The following USP13 variants were observed in gnomAD, a reference collection of about 807,000 sequenced individuals.
USP13 encodes ubiquitin specific peptidase 13, also known as ubiquitin carboxyl-terminal hydrolase 13.
Under a neutral mutation model 107.8 loss-of-function variants are expected in USP13, and 68 were observed. That is an observed-to-expected ratio of 0.63 (90% CI 0.52 to 0.77). The LOEUF is 0.77. Ranked by LOEUF, USP13 falls within the 30% of genes least tolerant of loss-of-function variation. The pLI is 0.00. For synonymous variants in USP13, 377 were observed against 389.5 expected, an observed-to-expected ratio of 0.97 and a Z score of 0.38; for missense variants, 945 against 1,093.3, an observed-to-expected ratio of 0.86 and a Z score of 1.91.
intron 1 of USP13, among the ~76,000 whole-genome samples, chr3:179,672,034 C>G (rs1433978730): frequency 6.6e-6 from 1 of 152,140 alleles, no homozygotes; most frequent in East Asian, 1.9e-4. Flanking sequence ...TCCTGTCTTC[C>G]AGTGGGAAGG....
At chr3:179,733,484 A>T (rs1231181882) in intron 10 of USP13, among the ~76,000 whole-genome samples, 5 of 152,100 alleles carry the variant, frequency 3.3e-5, no homozygotes, top group Non-Finnish European at 4.4e-5. Flanking sequence ...AGGCATCACG[A>T]TTTTCACTGG....
At chr3:179,682,855 G>A (rs1711713763) in intron 2 of USP13, among the ~76,000 whole-genome samples, 1 of 152,164 alleles carries the variant, frequency 6.6e-6, no homozygotes, top group South Asian at 2.1e-4. Context: ...GCAGGCTCAT[G>A]TTATGCTTAT....
chr3:179,732,461 C>G (rs574715912), intron 10 of USP13, among the ~76,000 whole-genome samples: 1 of 152,096 alleles, frequency 6.6e-6, no homozygotes, highest in Non-Finnish European at 1.5e-5. Context: ...GACTCAGGAG[C>G]CTGGCTTTCC....
At chr3:179,719,814 GA>G in intron 6 of USP13, 125 bp from the exon 7 acceptor site, 1 of 552,096 alleles carries the variant, frequency 1.8e-6, no homozygotes, top group Non-Finnish European at 3.0e-6. Flanking sequence ...TTGAATGTTA[GA>G]AAGTTTTCGT....
intron 10 of USP13, among the ~76,000 whole-genome samples, chr3:179,735,294 A>G (rs1437627156): frequency 6.6e-6 from 1 of 152,144 alleles, no homozygotes; most frequent in African/African-American, 2.4e-5. Flanking sequence ...CCCATAGGGG[A>G]CACTCAGGTG....
At chr3:179,681,437 A>G (rs934779716) in intron 1 of USP13, among the ~76,000 whole-genome samples, 5 of 152,234 alleles carry the variant, frequency 3.3e-5, no homozygotes, top group Middle Eastern at 3.2e-3. Context: ...AAGTTAAAAA[A>G]GTAATTGGTT....
rs192652311 is a variant in USP13 at position 179,665,020 on chromosome 3, G to A, written c.168+11627G>A. The stretch of plus-strand genomic sequence containing the variant: ...GGAGAATCGCTTAAACCCAGGAGGC[G>A]GAGGTGCAGTGAGCCAAGATCGCGC... On this transcript the variant is annotated intron_variant, in intron 1 of 20. Transcript: ENST00000263966. Among the ~76,000 whole-genome samples the A allele has an allele frequency of 2.0e-4, 31 of 152,214 alleles. No individual in the cohort carries two copies. In the South Asian group the frequency reaches 2.9e-3, roughly 14 times the overall value.
intron 19 of USP13, among the ~76,000 whole-genome samples, chr3:179,771,762 G>T (rs757640235): frequency 3.9e-5 from 6 of 152,180 alleles, no homozygotes; most frequent in Non-Finnish European, 8.8e-5. Flanking sequence ...GATTAAAGAA[G>T]TACAGGTATC....
At chr3:179,704,255 A>C (rs1712635038) in intron 4 of USP13, among the ~76,000 whole-genome samples, 1 of 152,198 alleles carries the variant, frequency 6.6e-6, no homozygotes, top group Non-Finnish European at 1.5e-5. Context: ...ACAAAGGAGA[A>C]GATTCTATTT....
At chr3:179,668,083 T>C (rs1319810106) in intron 1 of USP13, among the ~76,000 whole-genome samples, 1 of 152,234 alleles carries the variant, frequency 6.6e-6, no homozygotes, top group Non-Finnish European at 1.5e-5. Flanking sequence ...CTCTAATGCG[T>C]AGGAGTCCTC....
At chr3:179,696,642 T>C (rs896539324) in intron 3 of USP13, among the ~76,000 whole-genome samples, 1 of 152,124 alleles carries the variant, frequency 6.6e-6, no homozygotes, top group African/African-American at 2.4e-5. Flanking sequence ...AGGCATTTCT[T>C]TTGGCTTAGG....
chr3:179,754,317 G>A (rs1168885949), intron 14 of USP13, among the ~76,000 whole-genome samples: 1 of 152,182 alleles, frequency 6.6e-6, no homozygotes, highest in Non-Finnish European at 1.5e-5. Flanking sequence ...AGCTCCCGAT[G>A]GTTGTTACCA....
intron 16 of USP13, 99 bp downstream of exon 16, chr3:179,757,177 G>A: frequency 1.5e-6 from 2 of 1,364,376 alleles, no homozygotes; most frequent in South Asian, 2.5e-5. Flanking sequence ...TTCTGTACGT[G>A]TGTGTGTGCA....
chr3:179,728,433 G>T (rs1257284948), intron 8 of USP13, among the ~76,000 whole-genome samples: 2 of 150,122 alleles, frequency 1.3e-5, no homozygotes, highest in Non-Finnish European at 3.0e-5. Context: ...TGGCGGCCGG[G>T]AAGAGGCGCT....
intron 7 of USP13, 45 bp downstream of exon 7, chr3:179,720,079 G>A (rs765610523): frequency 3.4e-6 from 5 of 1,488,698 alleles, no homozygotes; most frequent in Non-Finnish European, 4.6e-6. Flanking sequence ...ATGGGGTAGG[G>A]GTGGGGAGAC....
chr3:179,767,452 T>G (rs1239864124), intron 19 of USP13, among the ~76,000 whole-genome samples: 1 of 147,256 alleles, frequency 6.8e-6, no homozygotes, highest in Non-Finnish European at 1.5e-5. Flanking sequence ...TGAGACAGAG[T>G]CTCACTCCAT....
chr3:179,699,805 C>T (rs1712455441), intron 3 of USP13, among the ~76,000 whole-genome samples: 1 of 150,110 alleles, frequency 6.7e-6, no homozygotes, highest in Non-Finnish European at 1.5e-5. Flanking sequence ...TACAAACTGC[C>T]CTACCTTTGG....
At chr3:179,753,075 G>C (rs1560074984) in intron 14 of USP13, among the ~76,000 whole-genome samples, 1 of 152,198 alleles carries the variant, frequency 6.6e-6, no homozygotes, top group South Asian at 2.1e-4. Flanking sequence ...GTCCTCAGTG[G>C]TGTGGAAGAA....
chr3:179,744,643 G>C (rs79463220), intron 12 of USP13, among the ~76,000 whole-genome samples: 80 of 152,296 alleles, frequency 5.3e-4, no homozygotes, highest in Non-Finnish European at 9.7e-4. Flanking sequence ...ACCTTTTCTG[G>C]CTGTGAAATA....
Sources: gnomAD v4.1 joint callset for allele counts (sites outside exome capture counted in the v4.1 genomes callset) on GRCh38, gnomAD v4.1.1 for gene constraint, MANE v1.5 for transcripts, NCBI Gene and HGNC (gene_info 2026-07-23, HGNC 2026-07-21) for gene names.